The following GPC6 variants were observed in gnomAD, a reference collection of about 807,000 sequenced individuals.
The protein encoded by GPC6 is glypican-6.
GPC6 carries 14 observed loss-of-function variants against 55.2 expected under a neutral mutation model. The ratio of observed to expected loss-of-function variants is 0.25; its 90% confidence interval spans 0.17 to 0.40. The LOEUF (loss-of-function observed/expected upper bound fraction) is 0.40, where lower values mean the gene tolerates loss of function less well. Among genes scored for constraint, GPC6 ranks in the 10% least tolerant of loss-of-function variants. GPC6 has a pLI of 1.00. For missense variants in GPC6, 641 were observed against 708.5 expected (o/e 0.90, Z 1.08); for synonymous variants, 278 against 259.6 (o/e 1.07, Z -0.68).
At chr13:94,131,739 A>G (rs1446578303) in intron 4 of GPC6, among the ~76,000 whole-genome samples, 1 of 152,190 alleles carries the variant, frequency 6.6e-6, no homozygotes, top group Non-Finnish European at 1.5e-5. Context: ...TGGCCAAGTT[A>G]TGAACATTGA....
At chr13:94,219,580 T>C (rs931721151) in intron 4 of GPC6, among the ~76,000 whole-genome samples, 8 of 152,124 alleles carry the variant, frequency 5.3e-5, no homozygotes, top group Admixed American at 5.2e-4. Context: ...CAGTGCTCAT[T>C]ACAGTTATGT....
chr13:93,668,000 TAG>T (rs1881214661), intron 2 of GPC6, among the ~76,000 whole-genome samples: 1 of 152,190 alleles, frequency 6.6e-6, no homozygotes. Flanking sequence ...TTTTTGAGTT[TAG>T]ATTTGAAATG....
chr13:93,996,148 A>T (rs1881543816), intron 3 of GPC6, among the ~76,000 whole-genome samples: 1 of 152,222 alleles, frequency 6.6e-6, no homozygotes, highest in African/African-American at 2.4e-5. Flanking sequence ...TTGAAGATGT[A>T]GTACACAAGT....
chr13:93,955,093 G>T (rs1879440180), intron 3 of GPC6, among the ~76,000 whole-genome samples: 1 of 151,998 alleles, frequency 6.6e-6, no homozygotes, highest in Non-Finnish European at 1.5e-5. Context: ...ATTGACCAAG[G>T]GATGAATGGT....
chr13:93,901,177 T>C (rs1054235511), intron 3 of GPC6, among the ~76,000 whole-genome samples: 1 of 152,160 alleles, frequency 6.6e-6, no homozygotes, highest in Admixed American at 6.6e-5. Flanking sequence ...TCAATATATA[T>C]ACTGATTTCT....
chr13:93,527,134 T>A (rs1260172358), intron 1 of GPC6, among the ~76,000 whole-genome samples: 1 of 152,066 alleles, frequency 6.6e-6, no homozygotes, highest in Non-Finnish European at 1.5e-5. Flanking sequence ...ATATACAGAA[T>A]GAAATGATTA....
intron 4 of GPC6, among the ~76,000 whole-genome samples, chr13:94,232,155 A>G (rs957121683): frequency 4.6e-5 from 7 of 152,220 alleles, no homozygotes; most frequent in African/African-American, 1.7e-4. Context: ...TTTAAAATCT[A>G]CTTCTCATGT....
At chr13:93,392,358 G>A (rs368880017) in intron 1 of GPC6, among the ~76,000 whole-genome samples, 5 of 152,176 alleles carry the variant, frequency 3.3e-5, no homozygotes, top group Admixed American at 1.3e-4. Flanking sequence ...GAGCTTATTC[G>A]GAAACAATGA....
At chr13:93,700,027 C>G (rs1323929664) in intron 2 of GPC6, among the ~76,000 whole-genome samples, 1 of 151,924 alleles carries the variant, frequency 6.6e-6, no homozygotes, top group Non-Finnish European at 1.5e-5. Context: ...AACATCAATC[C>G]TCTTAAAAAT....
intron 3 of GPC6, among the ~76,000 whole-genome samples, chr13:93,883,169 G>C (rs912359526): frequency 6.6e-6 from 1 of 150,622 alleles, no homozygotes; most frequent in African/African-American, 2.5e-5. Context: ...CTTTTTGTCT[G>C]GTAGCAAAAA....
chr13:93,533,612 A>T (rs1038611086), intron 1 of GPC6, among the ~76,000 whole-genome samples: 2 of 152,134 alleles, frequency 1.3e-5, no homozygotes, highest in Non-Finnish European at 2.9e-5. Flanking sequence ...TCAGAAACTG[A>T]AGCTCTCTGT....
intron 4 of GPC6, among the ~76,000 whole-genome samples, chr13:94,193,839 C>T (rs1889478173): frequency 6.6e-6 from 1 of 152,144 alleles, no homozygotes; most frequent in African/African-American, 2.4e-5. Context: ...ACAGGTCCTC[C>T]CTGCTTTTAA....
chr13:93,418,593 T>G (rs186849532), intron 1 of GPC6, among the ~76,000 whole-genome samples: 1 of 151,502 alleles, frequency 6.6e-6, no homozygotes, highest in Non-Finnish European at 1.5e-5. Context: ...ATCATTTTAT[T>G]AATAGCACTA....
intron 3 of GPC6, 31 bp from the exon 4 acceptor site, chr13:94,027,698 G>T (rs1053932650): frequency 3.6e-5 from 58 of 1,605,382 alleles, no homozygotes; most frequent in Non-Finnish European, 4.9e-5. Context: ...TCTTATTTTT[G>T]ATTTTCTTTT....
chr13:93,584,972 G>A (rs1313268433), intron 2 of GPC6, among the ~76,000 whole-genome samples: 1 of 152,146 alleles, frequency 6.6e-6, no homozygotes, highest in East Asian at 1.9e-4. Context: ...TTACAGGCAT[G>A]AGCCACTGTA....
chr13:94,040,721 C>A (rs1430187638), intron 4 of GPC6, among the ~76,000 whole-genome samples: 1 of 151,820 alleles, frequency 6.6e-6, no homozygotes, highest in Non-Finnish European at 1.5e-5. Flanking sequence ...ATTCAGTCTT[C>A]CAGTTTCTTC....
chr13:93,230,952 A>G (rs961834895), intron 1 of GPC6, among the ~76,000 whole-genome samples: 19 of 152,134 alleles, frequency 1.2e-4, no homozygotes, highest in Admixed American at 1.2e-3. Flanking sequence ...ATTGGCCTAC[A>G]TGATCATGTT....
intron 4 of GPC6, among the ~76,000 whole-genome samples, chr13:94,239,234 T>A (rs1378752074): frequency 6.6e-6 from 1 of 152,142 alleles, no homozygotes; most frequent in African/African-American, 2.4e-5. Context: ...GCAAACTGAT[T>A]GCAGTTGCAT....
intron 3 of GPC6, among the ~76,000 whole-genome samples, chr13:93,853,849 C>T (rs1231122977): frequency 6.6e-6 from 1 of 151,566 alleles, no homozygotes; most frequent in Non-Finnish European, 1.5e-5. Context: ...GAATTAAATA[C>T]TATATATGAA....
Sources: allele counts gnomAD v4.1 joint callset (sites outside exome capture counted in the v4.1 genomes callset), GRCh38; gene constraint gnomAD v4.1.1; transcripts MANE v1.5; gene names NCBI Gene and HGNC (gene_info 2026-07-23, HGNC 2026-07-21).